Variants in CTBP2 observed in about 807,000 individuals in gnomAD.
The protein encoded by CTBP2 is C-terminal binding protein 2, also known as C-terminal-binding protein 2.
A neutral mutation model predicts 80.3 loss-of-function variants in CTBP2; 30 were observed. That is an observed-to-expected ratio of 0.37 (90% CI 0.28 to 0.51). The LOEUF (loss-of-function observed/expected upper bound fraction) is 0.51. Among genes scored for constraint, CTBP2 ranks in the 20% least tolerant of loss-of-function variants. CTBP2 has a pLI of 0.93. For synonymous variants in CTBP2, 594 were observed against 587.4 expected, an observed-to-expected ratio of 1.01 and a Z score of -0.16; for missense variants, 1,212 against 1,375.3, an observed-to-expected ratio of 0.88 and a Z score of 1.88.
intron 2 of CTBP2, among the ~76,000 whole-genome samples, chr10:125,068,882 C>T (rs750057932): frequency 2.0e-4 from 30 of 152,148 alleles, no homozygotes; most frequent in Admixed American, 7.9e-4. Context: ...CTGCTGTCTC[C>T]GAGGCCCCAC....
intron 2 of CTBP2, among the ~76,000 whole-genome samples, chr10:125,050,708 A>G (rs910619489): frequency 5.3e-5 from 8 of 152,234 alleles, no homozygotes; most frequent in South Asian, 4.1e-4. Context: ...CCTGTTTCAC[A>G]GTGGCTTCCA....
chr10:125,147,247 G>T (rs1858947261), intron 1 of CTBP2, among the ~76,000 whole-genome samples: 1 of 152,232 alleles, frequency 6.6e-6, no homozygotes, highest in Admixed American at 6.5e-5. Flanking sequence ...GGCCTCAGTA[G>T]AGGAGAATTC....
At chr10:125,005,985 G>A (rs1240916396) in intron 1 of CTBP2, 32 of 1,451,740 alleles carry the variant, frequency 2.2e-5, no homozygotes, top group East Asian at 4.9e-5. Flanking sequence ...CCGCTGATGC[G>A]TCTGGGGAGC....
At chr10:125,109,851 C>CTCAG (rs1320850807) in intron 2 of CTBP2, among the ~76,000 whole-genome samples, 3 of 152,242 alleles carry the variant, frequency 2.0e-5, no homozygotes, top group African/African-American at 7.2e-5. Context: ...AGACCACTTG[C>CTCAG]TCAGTCACCA....
chr10:125,155,943 TTTCAGCAGGGTAAG>T (rs1860842549), intron 1 of CTBP2, among the ~76,000 whole-genome samples: 1 of 152,116 alleles, frequency 6.6e-6, no homozygotes, highest in African/African-American at 2.4e-5. Context: ...CACTAAAAGT[TTTCAGCAGGGTAAG>T]TTCACACAAG....
In CTBP2 at chr10:125,027,188, C is replaced by T. The variant is rs759751058; in HGVS notation, c.572G>A (p.Arg191Gln). Residue 191 changes from arginine (R) to glutamine (Q), a missense_variant, in exon 1 of 9, where the codon CGG becomes CAG. Arg to Gln is a conservative substitution (Grantham distance 43). Coordinates refer to ENST00000309035, the MANE Select transcript of CTBP2 (RefSeq NM_022802.3). The stretch of plus-strand genomic sequence containing the variant: ...CCCATACCTGGTGTCGGGCTGCTCC[C>T]GTCCATACCGCCCGGGAGATGCAGC... 6 of 1,608,480 alleles carry T rather than the reference C, an allele frequency of 3.7e-6. No individual in the cohort carries two copies. Among genetic ancestry groups the T allele is most frequent in the Admixed American group, 1.7e-5 (1 of 59,918 alleles).
Position 125,024,545 on chromosome 10 carries a change from G to C in CTBP2, c.1678+1537C>G, listed in dbSNP as rs141489801. Among the ~76,000 whole-genome samples, 328 of 152,284 alleles carry C rather than the reference G, an allele frequency of 2.2e-3. 1 individual carries two copies. The highest frequency in any genetic ancestry group is 6.9e-3 in the African/African-American group (285 of 41,544). On this transcript the variant is annotated intron_variant, in intron 1 of 8. Coordinates refer to ENST00000309035, the MANE Select transcript of CTBP2 (RefSeq NM_022802.3). ...ACAGGAAAAAGAAAAGAAAAGAAAA[G>C]GCAATCTTACAGGTTCCTCCTTCGG...
chr10:125,104,362 T>C (rs139121801), intron 2 of CTBP2, among the ~76,000 whole-genome samples: 1 of 152,204 alleles, frequency 6.6e-6, no homozygotes. Context: ...CCCCCTAATG[T>C]TCTATCTTTT....
intron 3 of CTBP2, among the ~76,000 whole-genome samples, chr10:125,037,344 C>A (rs1959006785): frequency 6.6e-6 from 1 of 152,216 alleles, no homozygotes; most frequent in African/African-American, 2.4e-5. Flanking sequence ...CCTGGAGAAT[C>A]CTGGGTGCAG....
At chr10:125,080,256 G>C (rs895349923) in intron 2 of CTBP2, among the ~76,000 whole-genome samples, 1 of 151,874 alleles carries the variant, frequency 6.6e-6, no homozygotes, top group Non-Finnish European at 1.5e-5. Context: ...CTCACAAAGA[G>C]AAATACACCC....
chr10:125,133,871 G>A (rs1240570841), intron 1 of CTBP2, among the ~76,000 whole-genome samples: 5 of 152,154 alleles, frequency 3.3e-5, no homozygotes, highest in African/African-American at 9.7e-5. Flanking sequence ...CTATTCAGCC[G>A]ACCATGTGGA....
chr10:125,007,927 T>A (rs1970811), intron 1 of CTBP2, among the ~76,000 whole-genome samples: 1 of 151,574 alleles, frequency 6.6e-6, no homozygotes, highest in Admixed American at 6.6e-5. Context: ...ATTTCTGACA[T>A]AGGAGGCAAA....
intron 2 of CTBP2, among the ~76,000 whole-genome samples, chr10:125,059,274 A>G (rs573995833): frequency 6.6e-6 from 1 of 152,256 alleles, no homozygotes; most frequent in South Asian, 2.1e-4. Flanking sequence ...GACATACGCA[A>G]TTTCACTTCA....
upstream of CTBP2, chr10:125,028,143 A>G (rs904655541): frequency 4.3e-5 from 8 of 184,318 alleles, no homozygotes; most frequent in Admixed American, 1.1e-4. Context: ...TCCATGTGAC[A>G]TCTCGTTAGA....
rs146278559 is a variant in CTBP2, at chr10:125,037,650, C to G, written c.58+1347G>C. ...GTAACAACTAAACACAATGCGTGAC[C>G]CTTATCTATTGCACAGGCAAAGAGA... On this transcript the variant is annotated intron_variant, in intron 3 of 10. Coordinates refer to the CTBP2 transcript ENST00000337195. Among the ~76,000 whole-genome samples, 560 of 152,286 alleles carry G rather than the reference C, an allele frequency of 3.7e-3. 4 individuals are homozygous for G. The highest frequency in any genetic ancestry group is 0.013 in the African/African-American group (539 of 41,550).
chr10:124,989,854 A>C (rs1247647137), intron 8 of CTBP2, among the ~76,000 whole-genome samples, 156 bp from the exon 11 acceptor site: 1 of 152,036 alleles, frequency 6.6e-6, no homozygotes, highest in Non-Finnish European at 1.5e-5. Flanking sequence ...ATCCCACCTC[A>C]GACACCCAAG....
In CTBP2 at chr10:124,985,188, T is replaced by TG. The variant is rs1491053092; in HGVS notation, c.*4329dup. 4 of 494,298 alleles carry TG rather than the reference T, an allele frequency of 8.1e-6. No homozygotes were observed. The highest frequency in any genetic ancestry group is 5.0e-4 in the Middle Eastern group (1 of 2,012). The allele number at this position is 494,298 out of a possible 1,614,324, so 30.6% of individuals were successfully genotyped here. A position where few individuals can be genotyped will look rare whatever the true frequency, so the allele number is the denominator to read the frequency against. The stretch of plus-strand genomic sequence containing the variant: ...GCGTGAGGAGACAGAGAACTTTAGT[T>TG]GGACTACAGTTTGTAAAAAAAACTA... On this transcript the variant is annotated 3_prime_UTR_variant, in exon 9 of 9. Coordinates refer to ENST00000309035, the MANE Select transcript of CTBP2 (RefSeq NM_022802.3).
At chr10:125,019,053 T>C (rs11245468) in intron 1 of CTBP2, among the ~76,000 whole-genome samples, 4,526 of 152,350 alleles carry the variant, frequency 0.03, 83 homozygotes, top group Middle Eastern at 0.054. Context: ...AGTTGTTTTA[T>C]TCACATGCTG....
chr10:125,006,492 C>T lies in CTBP2; in HGVS notation c.1679-3000G>A, dbSNP rs376741877. On this transcript the variant is annotated intron_variant, in intron 1 of 8. Coordinates refer to ENST00000309035, the MANE Select transcript of CTBP2 (RefSeq NM_022802.3). ...CCCAGAAGGAAACTGTCCACCCACA[C>T]ACCAGAGAATCTGGACTGAAATTCA... Among the ~76,000 whole-genome samples, 27 of 152,330 alleles carry T rather than the reference C, an allele frequency of 1.8e-4. No homozygotes were observed. The East Asian group carries it at 1.9e-3, about 11-fold the overall frequency.
Sources: allele counts gnomAD v4.1 joint callset (sites outside exome capture counted in the v4.1 genomes callset), GRCh38; gene constraint gnomAD v4.1.1; transcripts MANE v1.5; gene names NCBI Gene and HGNC (gene_info 2026-07-23, HGNC 2026-07-21).